KALRN: variants seen among roughly 807,000 people sequenced by gnomAD.
KALRN encodes kalirin.
In KALRN, 70 loss-of-function variants were observed where a neutral mutation model predicts 353.7. The ratio of observed to expected loss-of-function variants is 0.20; its 90% confidence interval spans 0.16 to 0.24. The LOEUF (loss-of-function observed/expected upper bound fraction) is 0.24. KALRN is among the 10% of genes least tolerant of loss of function. The pLI is 1.00. For synonymous variants in KALRN, 1,391 were observed against 1,434.8 expected, an observed-to-expected ratio of 0.97 and a Z score of 0.69; for missense variants, 2,791 against 3,756.7, an observed-to-expected ratio of 0.74 and a Z score of 6.72.
At chr3:124,287,000 A>G (rs144019674) in intron 5 of KALRN, among the ~76,000 whole-genome samples, 22 of 152,320 alleles carry the variant, frequency 1.4e-4, no homozygotes, top group Admixed American at 1.3e-3. Context: ...ACAAAAGATT[A>G]TATTGATCTA....
intron 33 of KALRN, among the ~76,000 whole-genome samples, chr3:124,562,315 G>T (rs59080008): frequency 0.062 from 9,418 of 152,240 alleles, 1,101 homozygotes; most frequent in East Asian, 0.47. Flanking sequence ...AAGGAAGGAA[G>T]GCTGTCTCTT....
At chr3:124,228,140 G>C in intron 2 of KALRN, 76 bp downstream of exon 2, 1 of 1,198,332 alleles carries the variant, frequency 8.3e-7, no homozygotes, top group South Asian at 1.2e-5. Flanking sequence ...AGATTCACTT[G>C]TGTGTTAGTA....
chr3:124,357,345 T>C (rs1371978267), intron 10 of KALRN, among the ~76,000 whole-genome samples: 1 of 152,212 alleles, frequency 6.6e-6, no homozygotes, highest in Non-Finnish European at 1.5e-5. Flanking sequence ...GTGGCTTCCC[T>C]CAAATGCAAT....
At chr3:124,060,884 G>T (rs750730630) in intron 1 of KALRN, among the ~76,000 whole-genome samples, 1 of 152,228 alleles carries the variant, frequency 6.6e-6, no homozygotes, top group Non-Finnish European at 1.5e-5. Flanking sequence ...GCAAGGCCTG[G>T]GGCCCCAGTG....
At chr3:124,504,627 T>C (rs2065004520) in intron 33 of KALRN, 1 of 340,626 alleles carries the variant, frequency 2.9e-6, no homozygotes, top group African/African-American at 2.1e-5. Context: ...ACAGACTCAT[T>C]GATGCCAAGT....
intron 2 of KALRN, 84 bp downstream of exon 2, chr3:124,228,148 G>T: frequency 8.9e-7 from 1 of 1,122,782 alleles, no homozygotes; most frequent in Non-Finnish European, 1.4e-6. Flanking sequence ...TTGTGTGTTA[G>T]TAGGGGAGAA....
At chr3:124,153,585 C>A (rs1244326285) in intron 1 of KALRN, among the ~76,000 whole-genome samples, 2 of 151,058 alleles carry the variant, frequency 1.3e-5, no homozygotes, top group Non-Finnish European at 3.0e-5. Flanking sequence ...CATACGTGTG[C>A]ATGTGTCTTT....
At chr3:124,655,725 T>C (rs1363301194) in intron 39 of KALRN, 58 bp downstream of exon 39, 7 of 1,233,680 alleles carry the variant, frequency 5.7e-6, no homozygotes, top group Non-Finnish European at 8.4e-6. Flanking sequence ...CGTTGGACCC[T>C]ACCTAGGCCA....
At chr3:124,237,218 C>T (rs145035204) in intron 3 of KALRN, among the ~76,000 whole-genome samples, 105 of 152,298 alleles carry the variant, frequency 6.9e-4, no homozygotes, top group African/African-American at 2.3e-3. Flanking sequence ...TGAAAATTAA[C>T]TGTTAGACTC....
At chr3:124,255,515 A>G (rs956801535) in intron 3 of KALRN, among the ~76,000 whole-genome samples, 16 of 152,226 alleles carry the variant, frequency 1.1e-4, no homozygotes, top group Non-Finnish European at 2.1e-4. Context: ...TTAATGAACT[A>G]ATAGATAATA....
intron 1 of KALRN, among the ~76,000 whole-genome samples, chr3:124,059,455 T>C (rs1168593894): frequency 6.6e-6 from 1 of 152,206 alleles, no homozygotes; most frequent in Middle Eastern, 3.2e-3. Flanking sequence ...TACAATACAT[T>C]GTTATTAACT....
At chr3:124,398,336 T>G (rs1426559354) in intron 12 of KALRN, among the ~76,000 whole-genome samples, 1 of 152,236 alleles carries the variant, frequency 6.6e-6, no homozygotes, top group Non-Finnish European at 1.5e-5. Flanking sequence ...GTGTTGGAAC[T>G]ATACATATTA....
chr3:124,254,560 G>C (rs963732336), intron 3 of KALRN, among the ~76,000 whole-genome samples: 2 of 151,952 alleles, frequency 1.3e-5, no homozygotes, highest in Non-Finnish European at 2.9e-5. Context: ...TTTTCTTAAC[G>C]GTAGGGCAGG....
In KALRN at chr3:124,587,698, C is replaced by CTTTTTTTTTTTTTT. The variant is rs529810541; in HGVS notation, c.5182+24621_5182+24634dup. Reference sequence around the variant, plus strand: ...TTTTTCCCTCCACCCCCACCCTCCACTTTTTTTTTTTTTTTTTTTTTTTTT... The same window carrying CTTTTTTTTTTTTTT: ...TTTTTCCCTCCACCCCCACCCTCCACTTTTTTTTTTTTTTTTTTTTTTTTTTTTTTTTTTTTTTT... On this transcript the variant is annotated intron_variant, in intron 34 of 59. Transcript: ENST00000682506. 3.4e-4 allele frequency among the ~76,000 whole-genome samples: 26 copies of CTTTTTTTTTTTTTT among 75,862 alleles called. 3 individuals are homozygous for CTTTTTTTTTTTTTT. Among genetic ancestry groups the CTTTTTTTTTTTTTT allele is most frequent in the African/African-American group, 1.3e-3 (20 of 15,790 alleles). 49.8% of individuals were successfully genotyped at this position (75,862 alleles called of 152,430 possible). A position where few individuals can be genotyped will look rare whatever the true frequency, so the allele number is the denominator to read the frequency against.
At chr3:124,516,202 T>TA (rs1476169005) in intron 33 of KALRN, among the ~76,000 whole-genome samples, 1 of 152,206 alleles carries the variant, frequency 6.6e-6, no homozygotes, top group Non-Finnish European at 1.5e-5. Context: ...TCCACAAACA[T>TA]ACAAATGTAC....
intron 8 of KALRN, 132 bp downstream of exon 8, chr3:124,330,124 G>T: frequency 1.0e-6 from 1 of 966,720 alleles, no homozygotes; most frequent in Non-Finnish European, 1.5e-6. Flanking sequence ...CTTTTTTTTT[G>T]GTGACATCTT....
intron 3 of KALRN, among the ~76,000 whole-genome samples, chr3:124,240,686 T>C (rs745946466): frequency 1.3e-5 from 2 of 151,622 alleles, no homozygotes; most frequent in African/African-American, 2.4e-5. Flanking sequence ...ATGTAGTCCA[T>C]GTAGGTCAAC....
At chr3:124,509,456 CT>C in intron 33 of KALRN, among the ~76,000 whole-genome samples, 1 of 152,224 alleles carries the variant, frequency 6.6e-6, no homozygotes. Context: ...GATCCACCCA[CT>C]TCGGCCTCCC....
chr3:124,398,725 C>T lies in KALRN; in HGVS notation c.2200C>T (p.Pro734Ser), dbSNP rs775092304. 30 of 1,614,206 alleles carry T rather than the reference C, an allele frequency of 1.9e-5. No individual in the cohort carries two copies. In the South Asian group the frequency reaches 3.3e-4, roughly 18 times the overall value. The change falls in exon 13 of 60, where the codon CCC becomes TCC. Residue 734 changes from proline (P) to serine (S), a missense_variant. By Grantham distance (74) the Pro-to-Ser change is moderately conservative. Coordinates refer to ENST00000682506, the MANE Select transcript of KALRN (RefSeq NM_001388419.1). ...RDSAVSNNKTPHSSSISHIES... is the reference protein window; with the variant it reads ...RDSAVSNNKTSHSSSISHIES... ...CTCGGCTGTGTCCAACAACAAAACA[C>T]CCCACAGCAGCTCCATCAGCCACAT...
Sources: gnomAD v4.1 joint callset for allele counts (sites outside exome capture counted in the v4.1 genomes callset) on GRCh38, gnomAD v4.1.1 for gene constraint, MANE v1.5 for transcripts, NCBI Gene and HGNC (gene_info 2026-07-23, HGNC 2026-07-21) for gene names.